UPF3B: variants seen among roughly 807,000 people sequenced by gnomAD.
The protein encoded by UPF3B is UPF3B regulator of nonsense mediated mRNA decay, also known as regulator of nonsense transcripts 3B.
In UPF3B, 7 loss-of-function variants were observed where a neutral mutation model predicts 40.3. The observed-to-expected ratio is 0.17, with a 90% CI of 0.10 to 0.33. The LOEUF (loss-of-function observed/expected upper bound fraction) is 0.33. Ranked by LOEUF, UPF3B falls within the 10% of genes least tolerant of loss-of-function variation. The pLI, the probability that UPF3B is intolerant of heterozygous loss-of-function variation, is 1.00. For missense variants in UPF3B, 229 were observed against 358.9 expected (o/e 0.64, Z 2.93); for synonymous variants, 117 against 117.3 (o/e 1.00, Z 0.01).
At chrX:119,850,256 G>A (rs775539804) in intron 3 of UPF3B, among the ~76,000 whole-genome samples, 8 of 111,116 alleles carry the variant, frequency 7.2e-5, no homozygotes, top group Admixed American at 3.8e-4. Flanking sequence ...CTCTGATTGC[G>A]CCACAGCACT....
At chrX:119,812,441 T>C (rs1485928711) in intron 5 of UPF3B, among the ~76,000 whole-genome samples, 2 of 111,384 alleles carry the variant, frequency 1.8e-5, no homozygotes, top group African/African-American at 6.5e-5. Context: ...CAACCCAATC[T>C]GGCTTCCCTG....
intron 5 of UPF3B, among the ~76,000 whole-genome samples, chrX:119,809,170 G>A (rs904176659): frequency 1.8e-5 from 2 of 111,155 alleles, no homozygotes; most frequent in African/African-American, 3.3e-5. Flanking sequence ...GGTGAATTGC[G>A]AGTATAGGAA....
rs2056214083 is a variant in UPF3B at position 119,845,315 on chromosome X, CCA to C, written c.371-21_371-20del. The C allele has an allele frequency of 1.8e-6, 2 of 1,130,673 alleles. No individual in the cohort carries two copies. Among genetic ancestry groups the C allele is most frequent in the Non-Finnish European group, 2.4e-6 (2 of 825,468 alleles). The allele number at this position is 1,130,673 out of a possible 1,213,427, so 93.2% of individuals were successfully genotyped here. A position where few individuals can be genotyped will look rare whatever the true frequency, so the allele number is the denominator to read the frequency against. On this transcript the variant is annotated intron_variant, in intron 3 of 10. Transcript: ENST00000276201. Reference sequence around the variant, plus strand: ...TCCTGACCTGTTTAGAAAAAAAATACCACACTTGCTATAACAAAGAAAATGTC... The same window carrying C: ...TCCTGACCTGTTTAGAAAAAAAATACCACTTGCTATAACAAAGAAAATGTC...
chrX:119,832,781 C>T (rs185912873), downstream of UPF3B, among the ~76,000 whole-genome samples: 25 of 111,871 alleles, frequency 2.2e-4, no homozygotes, highest in East Asian at 5.8e-3. Context: ...ATACAGGACT[C>T]TTTATACCAA....
At chrX:119,835,517 G>A (rs978370411) in intron 10 of UPF3B, among the ~76,000 whole-genome samples, 1 of 112,041 alleles carries the variant, frequency 8.9e-6, no homozygotes, top group East Asian at 2.8e-4. Flanking sequence ...TTACAGGCAT[G>A]AGCCATCATG....
At chrX:119,814,205 T>C (rs1216358284) in intron 5 of UPF3B, among the ~76,000 whole-genome samples, 1 of 111,648 alleles carries the variant, frequency 9.0e-6, no homozygotes, top group African/African-American at 3.3e-5. Context: ...TGCAGTTTCC[T>C]TCCTGGAGAG....
Position 119,838,354 on chromosome X carries a change from C to G in UPF3B, c.1007+13G>C. The G allele has an allele frequency of 1.7e-6, 2 of 1,210,723 alleles. No homozygotes were observed. Among genetic ancestry groups the G allele is most frequent in the Non-Finnish European group, 2.2e-6 (2 of 894,656 alleles). ...TATAAATCAAACATAACAAAGAGTCCTTGACTACTGACCTCTTTGGTTTTT... is the reference window on the plus strand; with the variant it reads ...TATAAATCAAACATAACAAAGAGTCGTTGACTACTGACCTCTTTGGTTTTT... On this transcript the variant is annotated intron_variant, in intron 9 of 10. Coordinates refer to ENST00000276201, the MANE Select transcript of UPF3B (RefSeq NM_080632.3).
chrX:119,840,760 A>C, intron 7 of UPF3B, 76 bp from the exon 8 acceptor site: 1 of 1,015,481 alleles, frequency 9.8e-7, no homozygotes. Context: ...AAAAAACCAT[A>C]AATCATGCCA....
chrX:119,846,941 T>A (rs1351649140), intron 3 of UPF3B, among the ~76,000 whole-genome samples: 4 of 111,855 alleles, frequency 3.6e-5, no homozygotes, highest in Non-Finnish European at 7.5e-5. Context: ...AAAAACCAAA[T>A]AACCCAATTT....
rs185895141 is a variant in UPF3B, at chrX:119,850,111, C to T, written c.370+1384G>A. 1.9e-4 allele frequency among the ~76,000 whole-genome samples: 21 copies of T among 109,496 alleles called. No individual in the cohort carries two copies. In the South Asian group the frequency reaches 4.3e-3, roughly 22 times the overall value. On this transcript the variant is annotated intron_variant, in intron 3 of 10. Transcript: ENST00000276201. ...AGGAGTTCAAGACCAGCCTGGGCAA[C>T]GTAGTGAGACCCCATCTCTATAAAA...
chrX:119,838,178 T>C, intron 9 of UPF3B, 127 bp from the exon 10 acceptor site: 1 of 977,776 alleles, frequency 1.0e-6, no homozygotes, highest in East Asian at 3.1e-5. Flanking sequence ...AAAATACTAG[T>C]GTTTTAAGAA....
intron 4 of UPF3B, among the ~76,000 whole-genome samples, chrX:119,822,452 T>C (rs2055930791): frequency 8.9e-6 from 1 of 112,968 alleles, no homozygotes; most frequent in Non-Finnish European, 1.9e-5. Flanking sequence ...CCCCTGCAAA[T>C]TGCAATGCAT....
In UPF3B at chrX:119,834,532, G is replaced by C; in HGVS notation, c.*346C>G. The C allele has an allele frequency of 5.6e-6, 5 of 900,508 alleles. No individual in the cohort carries two copies. Among genetic ancestry groups the C allele is most frequent in the Non-Finnish European group, 6.8e-6 (5 of 730,808 alleles). The allele number at this position is 900,508 out of a possible 1,213,427, so 74.2% of individuals were successfully genotyped here. A position where few individuals can be genotyped will look rare whatever the true frequency, so the allele number is the denominator to read the frequency against. The stretch of plus-strand genomic sequence containing the variant: ...AAAATTCAATTCAGGATGAACAACA[G>C]CTTTTGATTTTAGAACCAGCTCTTA... On this transcript the variant is annotated 3_prime_UTR_variant, in exon 11 of 11. Transcript: ENST00000276201.
chrX:119,806,799 G>A (rs1323687359), intron 6 of UPF3B, among the ~76,000 whole-genome samples: 3 of 109,836 alleles, frequency 2.7e-5, no homozygotes, highest in African/African-American at 9.9e-5. Flanking sequence ...AGGCCGAAGC[G>A]GGGGGAATCA....
intron 5 of UPF3B, among the ~76,000 whole-genome samples, chrX:119,811,877 AG>A (rs1448984847): frequency 1.8e-4 from 20 of 111,199 alleles, no homozygotes; most frequent in African/African-American, 6.5e-4. Context: ...AACTGAACCC[AG>A]AAGGTCAAGG....
intron 3 of UPF3B, among the ~76,000 whole-genome samples, chrX:119,826,290 C>T (rs949177642): frequency 2.7e-5 from 3 of 110,527 alleles, no homozygotes; most frequent in African/African-American, 6.6e-5. Context: ...AGACCGGCCT[C>T]GCCAACATGG....
rs2056067972 is a variant in UPF3B at position 119,834,325 on chromosome X, G to C, written c.*553C>G. 1 of 756,046 alleles carries C rather than the reference G, an allele frequency of 1.3e-6. No individual in the cohort carries two copies. Among genetic ancestry groups the C allele is most frequent in the African/African-American group, 2.3e-5 (1 of 43,458 alleles). 62.3% of individuals were successfully genotyped at this position (756,046 alleles called of 1,213,427 possible). A position where few individuals can be genotyped will look rare whatever the true frequency, so the allele number is the denominator to read the frequency against. ...CTAAAACTTTAGGACACTGGATACA[G>C]AAGTAACATAACTATTTAAATTTTT... On this transcript the variant is annotated 3_prime_UTR_variant, in exon 11 of 11. Transcript: ENST00000276201.
chrX:119,817,070 G>C (rs1243254499), intron 4 of UPF3B, among the ~76,000 whole-genome samples: 1 of 111,553 alleles, frequency 9.0e-6, no homozygotes, highest in Non-Finnish European at 1.9e-5. Flanking sequence ...TTCAGGTTTA[G>C]GCGCTTCTCC....
chrX:119,842,580 T>TCTCTCACACACACACA (rs1556379941), intron 5 of UPF3B, among the ~76,000 whole-genome samples: 5 of 71,466 alleles, frequency 7.0e-5, no homozygotes, highest in African/African-American at 3.1e-4. Context: ...ACTCCATCTC[T>TCTCTCACACACACACA]CACACACACA....
Sources: gnomAD v4.1 joint callset for allele counts (sites outside exome capture counted in the v4.1 genomes callset) on GRCh38, gnomAD v4.1.1 for gene constraint, MANE v1.5 for transcripts, NCBI Gene and HGNC (gene_info 2026-07-23, HGNC 2026-07-21) for gene names.